LOC114841035: variants seen among roughly 807,000 people sequenced by gnomAD.
At chr11:64,243,675 T>C in the LOC114841035 span, 13 of 1,156,776 alleles carry the variant, frequency 1.1e-5, no homozygotes, top group Non-Finnish European at 1.7e-5. Context: ...CACTCAGCTG[T>C]AGTGGCCCCA....
chr11:64,242,556 A>G, the LOC114841035 span: 1 of 1,525,802 alleles, frequency 6.6e-7, no homozygotes, highest in Non-Finnish European at 8.8e-7. Flanking sequence ...CATGCACTAC[A>G]CGGTGAGTGG....
chr11:64,242,049 C>G, the LOC114841035 span: 1 of 233,556 alleles, frequency 4.3e-6, no homozygotes, highest in Non-Finnish European at 8.4e-6. Flanking sequence ...AGGGTCTGGA[C>G]TTTGCGTAAA....
chr11:64,243,418 G>A, the LOC114841035 span: 2 of 1,613,614 alleles, frequency 1.2e-6, no homozygotes, highest in Non-Finnish European at 1.7e-6. Context: ...GGCCCTGGGT[G>A]CTGCCATGGG....
At chr11:64,242,646 T>TAGG in the LOC114841035 span, 2 of 1,404,362 alleles carry the variant, frequency 1.4e-6, no homozygotes, top group South Asian at 2.9e-5. Flanking sequence ...ATAAGCCAGG[T>TAGG]AGGTGACCTT....
At chr11:64,241,515 T>C in the LOC114841035 span, among the ~76,000 whole-genome samples, 1 of 109,430 alleles carries the variant, frequency 9.1e-6, no homozygotes, top group Non-Finnish European at 1.9e-5. Context: ...GCGGAGGCGC[T>C]GGGGGCGGGG....
chr11:64,243,783 G>A, the LOC114841035 span: 2 of 1,600,998 alleles, frequency 1.2e-6, no homozygotes, highest in Admixed American at 1.7e-5. Context: ...CTCTCCCTTT[G>A]CCCACACTGG....
the LOC114841035 span, chr11:64,241,241 G>C: frequency 2.6e-5 from 4 of 152,394 alleles, no homozygotes; most frequent in African/African-American, 9.7e-5. Context: ...AGAGCTAGGT[G>C]ACGAGGAAAT....
At chr11:64,242,720 CAG>C in the LOC114841035 span, among the ~76,000 whole-genome samples, 1 of 152,180 alleles carries the variant, frequency 6.6e-6, no homozygotes, top group Non-Finnish European at 1.5e-5. Context: ...GCCTACTGCC[CAG>C]GTGGGCACCA....
At chr11:64,243,521 C>T in the LOC114841035 span, 1 of 1,612,912 alleles carries the variant, frequency 6.2e-7, no homozygotes. Flanking sequence ...CCTGAGGGTG[C>T]AGAGCGAGTT....
the LOC114841035 span, chr11:64,242,303 C>G: frequency 1.5e-6 from 2 of 1,325,784 alleles, no homozygotes; most frequent in Non-Finnish European, 2.0e-6. Flanking sequence ...GGCGGTGGAA[C>G]CCTCCTGTTA....
chr11:64,244,110 CA>C, the LOC114841035 span: 12 of 1,490,956 alleles, frequency 8.0e-6, no homozygotes, highest in African/African-American at 7.1e-5. Context: ...CAAAAACAAA[CA>C]AAAAAACACT....
chr11:64,243,518 GT>G, the LOC114841035 span: 2 of 1,613,150 alleles, frequency 1.2e-6, no homozygotes, highest in Admixed American at 3.3e-5. Context: ...CCTCCTGAGG[GT>G]GCAGAGCGAG....
At chr11:64,242,309 T>A in the LOC114841035 span, 1 of 1,372,298 alleles carries the variant, frequency 7.3e-7, no homozygotes, top group Non-Finnish European at 9.6e-7. Context: ...GGAACCCTCC[T>A]GTTACCTACC....
At chr11:64,242,559 G>A in the LOC114841035 span, 1 of 1,536,534 alleles carries the variant, frequency 6.5e-7, no homozygotes, top group Non-Finnish European at 8.7e-7. Flanking sequence ...GCACTACACG[G>A]TGAGTGGGTT....
chr11:64,244,046 CA>C, the LOC114841035 span: 3 of 1,612,382 alleles, frequency 1.9e-6, no homozygotes, highest in Non-Finnish European at 2.5e-6. Flanking sequence ...TGGGGAGGGG[CA>C]GGGGGAGAGG....
chr11:64,244,063 A>C, the LOC114841035 span: 1 of 1,603,270 alleles, frequency 6.2e-7, no homozygotes, highest in Non-Finnish European at 8.5e-7. Flanking sequence ...AGAGGCCCCC[A>C]TCAGGGACCA....
At chr11:64,242,663 G>T in the LOC114841035 span, 1 of 1,243,598 alleles carries the variant, frequency 8.0e-7, no homozygotes, top group Admixed American at 3.2e-5. Context: ...CCTTGGGCAA[G>T]TCCCCTCTCG....
the LOC114841035 span, chr11:64,243,562 G>A: frequency 6.3e-7 from 1 of 1,583,678 alleles, no homozygotes; most frequent in Non-Finnish European, 8.7e-7. Flanking sequence ...GGTGAAAGCT[G>A]CTTCAGCTTT....
chr11:64,242,689 C>G, the LOC114841035 span: 1 of 1,019,516 alleles, frequency 9.8e-7, no homozygotes, highest in Non-Finnish European at 1.4e-6. Flanking sequence ...AAGCCAGTTT[C>G]CATGGTTCTG....
Sources: gnomAD v4.1 joint callset for allele counts (sites outside exome capture counted in the v4.1 genomes callset) on GRCh38, gnomAD v4.1.1 for gene constraint, MANE v1.5 for transcripts.